FANCL: variants seen among roughly 807,000 people sequenced by gnomAD.
FANCL encodes E3 ubiquitin-protein ligase FANCL.
In FANCL, 69 loss-of-function variants were observed where a neutral mutation model predicts 59.4. The ratio of observed to expected loss-of-function variants is 1.16; its 90% CI spans 0.96 to 1.42. FANCL has a LOEUF of 1.42. Ranked by LOEUF, FANCL falls within the 40% of genes most tolerant of loss-of-function variation. The pLI, the probability that FANCL is intolerant of heterozygous loss-of-function variation, is 0.00. For missense variants in FANCL, 519 were observed against 447.2 expected, an observed-to-expected ratio of 1.16 and a Z score of -1.45; for synonymous variants, 180 against 147.1, an observed-to-expected ratio of 1.22 and a Z score of -1.62.
At chr2:58,229,709 T>G in intron 3 of FANCL, 105 bp downstream of exon 3, 1 of 858,414 alleles carries the variant, frequency 1.2e-6, no homozygotes. Flanking sequence ...TAACAACTAT[T>G]AAACCAGTTT....
chr2:58,188,299 A>G (rs1485617489), intron 7 of FANCL, among the ~76,000 whole-genome samples: 1 of 152,184 alleles, frequency 6.6e-6, no homozygotes, highest in Non-Finnish European at 1.5e-5. Flanking sequence ...TCCTGAAAAA[A>G]GTAGATTTTT....
chr2:58,173,899 A>C (rs929408157), intron 7 of FANCL, among the ~76,000 whole-genome samples: 2 of 152,056 alleles, frequency 1.3e-5, no homozygotes, highest in Non-Finnish European at 2.9e-5. Context: ...CAAATCTCAC[A>C]AGCAGAGACA....
intron 7 of FANCL, among the ~76,000 whole-genome samples, chr2:58,190,546 T>C (rs895348557): frequency 2.0e-5 from 3 of 151,206 alleles, no homozygotes; most frequent in Admixed American, 6.6e-5. Flanking sequence ...TAGCTTTTTG[T>C]TCCAGTTAGG....
intron 5 of FANCL, among the ~76,000 whole-genome samples, chr2:58,210,056 T>C (rs1690977983): frequency 1.3e-5 from 2 of 152,176 alleles, no homozygotes; most frequent in Non-Finnish European, 2.9e-5. Flanking sequence ...ATAAATAATA[T>C]ATTGTTTAAA....
At chr2:58,171,417 G>A (rs529707345) in intron 7 of FANCL, among the ~76,000 whole-genome samples, 1 of 152,146 alleles carries the variant, frequency 6.6e-6, no homozygotes, top group Non-Finnish European at 1.5e-5. Flanking sequence ...GCCCACATGA[G>A]AAAGCAGAAA....
rs533605220 is a variant in FANCL at position 58,236,861 on chromosome 2, A to G, written c.96+4357T>C. 2.6e-5 allele frequency among the ~76,000 whole-genome samples: 4 copies of G among 152,312 alleles called. No individual in the cohort carries two copies. The South Asian group carries it at 6.2e-4, about 24-fold the overall frequency. ...TTCAGAGAAAACATTATTACTAAAG[A>G]TAAAAAAGGTCATTTCATAATCCTA... On this transcript the variant is annotated intron_variant, in intron 1 of 13. Transcript: ENST00000233741.
chr2:58,197,587 C>CT (rs969602889), intron 7 of FANCL, among the ~76,000 whole-genome samples: 3 of 152,124 alleles, frequency 2.0e-5, no homozygotes, highest in Non-Finnish European at 4.4e-5. Flanking sequence ...CACCTTATAT[C>CT]TATGTTATAG....
chr2:58,159,306 C>T lies in FANCL; in HGVS notation c.*459G>A, dbSNP rs774033309. On this transcript the variant is annotated 3_prime_UTR_variant, in exon 14 of 14. Coordinates refer to ENST00000233741, the MANE Select transcript of FANCL (RefSeq NM_018062.4). ...CTACACAAAATAAATACTTGGATAA[C>T]TCACGTCTAACAAACTAAACTATAT... is the stretch of plus-strand genomic sequence containing the variant. 2.1e-6 allele frequency: 3 copies of T among 1,440,796 alleles called. No homozygotes were observed. The highest frequency in any genetic ancestry group is 1.9e-6 in the Non-Finnish European group (2 of 1,060,022). The allele number at this position is 1,440,796 out of a possible 1,614,324, so 89.3% of individuals were successfully genotyped here.
intron 7 of FANCL, among the ~76,000 whole-genome samples, chr2:58,193,203 G>T (rs1478270338): frequency 6.6e-6 from 1 of 151,816 alleles, no homozygotes; most frequent in Non-Finnish European, 1.5e-5. Context: ...GTAATTCTAA[G>T]AATTATTTGG....
chr2:58,240,651 C>A (rs1452053822), intron 1 of FANCL, among the ~76,000 whole-genome samples: 1 of 152,168 alleles, frequency 6.6e-6, no homozygotes, highest in Admixed American at 6.5e-5. Flanking sequence ...GTAATAAACT[C>A]CATATGAGAG....
chr2:58,206,112 T>A (rs998783963), intron 5 of FANCL, among the ~76,000 whole-genome samples: 2 of 151,954 alleles, frequency 1.3e-5, no homozygotes, highest in Admixed American at 6.6e-5. Flanking sequence ...GATACCAGAA[T>A]GGAAAATTAG....
At chr2:58,214,908 C>G (rs1691555480) in intron 5 of FANCL, among the ~76,000 whole-genome samples, 1 of 152,058 alleles carries the variant, frequency 6.6e-6, no homozygotes, top group Non-Finnish European at 1.5e-5. Context: ...ATGAGTGATT[C>G]AAAAATCTCA....
chr2:58,175,912 G>C (rs1330944898), intron 7 of FANCL, among the ~76,000 whole-genome samples: 1 of 152,012 alleles, frequency 6.6e-6, no homozygotes, highest in Non-Finnish European at 1.5e-5. Context: ...ATCTCCTTAA[G>C]CTGATAAGCA....
intron 7 of FANCL, among the ~76,000 whole-genome samples, chr2:58,166,836 C>T (rs1475240071): frequency 6.6e-6 from 1 of 152,202 alleles, no homozygotes; most frequent in African/African-American, 2.4e-5. Context: ...CATTTTGTCA[C>T]TTCAGTCAAG....
rs567485643 is a variant in FANCL, at chr2:58,213,002, T to C, written c.375-8776A>G. On this transcript the variant is annotated intron_variant, in intron 5 of 13. Coordinates refer to ENST00000233741, the MANE Select transcript of FANCL (RefSeq NM_018062.4). ...AGAATTTGTATAATGTCTAATCCTA[T>C]AGAGTTGATTAGAAATACCAAATAT... Among the ~76,000 whole-genome samples the C allele has an allele frequency of 7.2e-5, 11 of 152,336 alleles. No individual in the cohort carries two copies. In the East Asian group the frequency reaches 7.7e-4, roughly 11 times the overall value.
rs192402660 is a variant in FANCL at position 58,173,616 on chromosome 2, G to T, written c.541-7742C>A. On this transcript the variant is annotated intron_variant, in intron 7 of 13. Transcript: ENST00000233741. ...GATTTTGTCACCACCAGGCCTGCCCGAAAAGAGCTCCTGAAGGAAGCACTA... is the reference window on the plus strand; with the variant it reads ...GATTTTGTCACCACCAGGCCTGCCCTAAAAGAGCTCCTGAAGGAAGCACTA... Among the ~76,000 whole-genome samples, 338 of 151,974 alleles carry T rather than the reference G, an allele frequency of 2.2e-3. 3 individuals are homozygous for T. The highest frequency in any genetic ancestry group is 0.014 in the Middle Eastern group (4 of 294).
Position 58,163,108 on chromosome 2 carries a change from AT to A in FANCL, c.776-35del, listed in dbSNP as rs751642410. On this transcript the variant is annotated intron_variant, in intron 9 of 13. Coordinates refer to ENST00000233741, the MANE Select transcript of FANCL (RefSeq NM_018062.4). ...TAAAAAAAAAAAATTTAATAATTGC[AT>A]GCTCTACTCTTGGTTTCTAAAGCCA... is the stretch of plus-strand genomic sequence containing the variant. 3.9e-6 allele frequency: 6 copies of A among 1,558,212 alleles called. No individual in the cohort carries two copies. The African/African-American group carries it at 8.1e-5, about 21-fold the overall frequency.
intron 5 of FANCL, among the ~76,000 whole-genome samples, chr2:58,209,731 A>C (rs1229813940): frequency 6.6e-6 from 1 of 152,196 alleles, no homozygotes; most frequent in Non-Finnish European, 1.5e-5. Flanking sequence ...TGTGACTTAA[A>C]GAGATTAAGT....
chr2:58,168,227 T>C (rs1479040343), intron 7 of FANCL, among the ~76,000 whole-genome samples: 1 of 151,938 alleles, frequency 6.6e-6, no homozygotes, highest in East Asian at 1.9e-4. Context: ...GGCAGGTGAT[T>C]TCTGCATTTC....
Sources: gnomAD v4.1 joint callset for allele counts (sites outside exome capture counted in the v4.1 genomes callset) on GRCh38, gnomAD v4.1.1 for gene constraint, MANE v1.5 for transcripts, NCBI Gene and HGNC (gene_info 2026-07-23, HGNC 2026-07-21) for gene names.